NEK5: variants seen among roughly 807,000 people sequenced by gnomAD.
The protein encoded by NEK5 is NIMA related kinase 5, also known as serine/threonine-protein kinase Nek5.
Under a neutral mutation model 109.2 loss-of-function variants are expected in NEK5, and 88 were observed. That is an observed-to-expected ratio of 0.81 (90% CI 0.68 to 0.96). The LOEUF is 0.96. Ranked by LOEUF, NEK5 falls within the 40% of genes least tolerant of loss-of-function variation. The pLI is 0.00. For missense variants in NEK5, 834 were observed against 920.7 expected (o/e 0.91, Z 1.22); for synonymous variants, 283 against 299.9 (o/e 0.94, Z 0.58).
chr13:52,076,002 C>T, intron 18 of NEK5, 61 bp downstream of exon 18: 5 of 1,108,600 alleles, frequency 4.5e-6, no homozygotes, highest in Non-Finnish European at 5.4e-6. Flanking sequence ...CAACCGAGAT[C>T]ACAAGGTGGC....
chr13:52,127,747 C>A, intron 1 of NEK5, 85 bp from the exon 2 acceptor site: 1 of 348,100 alleles, frequency 2.9e-6, no homozygotes, highest in Non-Finnish European at 5.2e-6. Flanking sequence ...GGGTAAGTCA[C>A]TTAACCTGGC....
In NEK5 at chr13:52,079,811, T is replaced by G. The variant is rs572352800; in HGVS notation, c.1572+3449A>C. On this transcript the variant is annotated intron_variant, in intron 17 of 23. Coordinates refer to ENST00000684899, the MANE Select transcript of NEK5 (RefSeq NM_001365552.1). ...CTGCCTGGCTGCCCAGTCTGGAAAGTGAGGAGCGTCTCTGCCCCGCCGCCA... is the reference window on the plus strand; with the variant it reads ...CTGCCTGGCTGCCCAGTCTGGAAAGGGAGGAGCGTCTCTGCCCCGCCGCCA... Among the ~76,000 whole-genome samples, 5 of 145,878 alleles carry G rather than the reference T, an allele frequency of 3.4e-5. No homozygotes were observed. The East Asian group carries it at 1.0e-3, about 30-fold the overall frequency.
intron 3 of NEK5, among the ~76,000 whole-genome samples, chr13:52,123,773 AG>A (rs1482119309): frequency 6.6e-6 from 1 of 152,180 alleles, no homozygotes; most frequent in Non-Finnish European, 1.5e-5. Context: ...AAGTTATGCA[AG>A]TTTACAGAGA....
At chr13:52,122,112 C>T (rs1433063763) in intron 3 of NEK5, among the ~76,000 whole-genome samples, 1 of 151,936 alleles carries the variant, frequency 6.6e-6, no homozygotes, top group African/African-American at 2.4e-5. Context: ...GCTATGCAGT[C>T]ATTAAAAATA....
Position 52,034,355 on chromosome 13 carries a change from C to CAGAT in NEK5, c.*2589_*2592dup, listed in dbSNP as rs1162125019. 6.6e-6 allele frequency: 1 copy of CAGAT among 152,078 alleles called. No individual in the cohort carries two copies. 9.4% of individuals were successfully genotyped at this position (152,078 alleles called of 1,614,324 possible). A position where few individuals can be genotyped will look rare whatever the true frequency, so the allele number is the denominator to read the frequency against. On this transcript the variant is annotated 3_prime_UTR_variant, in exon 24 of 24. Transcript: ENST00000684899. ...GGACTAAAATCAGCTGAAAGTGTTGCAGATATGTATACTTATCACAGTGAA... is the reference window on the plus strand; with the variant it reads ...GGACTAAAATCAGCTGAAAGTGTTGCAGATAGATATGTATACTTATCACAGTGAA...
intron 22 of NEK5, among the ~76,000 whole-genome samples, chr13:52,053,767 C>T (rs1049510804): frequency 3.3e-5 from 5 of 152,178 alleles, no homozygotes; most frequent in Non-Finnish European, 7.3e-5. Context: ...ACCCTCCATA[C>T]CAAACATCCT....
chr13:52,054,279 TA>T (rs1370509893), intron 22 of NEK5, among the ~76,000 whole-genome samples: 1 of 152,178 alleles, frequency 6.6e-6, no homozygotes, highest in African/African-American at 2.4e-5. Flanking sequence ...TTTCCAAACA[TA>T]GTTGTTATGA....
At chr13:52,079,984 C>T (rs543261844) in intron 17 of NEK5, among the ~76,000 whole-genome samples, 113 of 151,848 alleles carry the variant, frequency 7.4e-4, no homozygotes, top group African/African-American at 2.2e-3. Flanking sequence ...CGTCTCTGCC[C>T]GGCCGCCCCA....
chr13:52,087,035 A>G (rs1041211082), intron 15 of NEK5, among the ~76,000 whole-genome samples: 1 of 152,186 alleles, frequency 6.6e-6, no homozygotes, highest in African/African-American at 2.4e-5. Flanking sequence ...ATACATTTCT[A>G]TTGTGTTAAG....
intron 20 of NEK5, among the ~76,000 whole-genome samples, chr13:52,070,397 C>A (rs1346642194): frequency 6.6e-6 from 1 of 152,178 alleles, no homozygotes; most frequent in Non-Finnish European, 1.5e-5. Flanking sequence ...TTGGCTGTGT[C>A]CCACCCAAAT....
At chr13:52,091,843 T>G (rs1245165609) in intron 13 of NEK5, among the ~76,000 whole-genome samples, 1 of 152,170 alleles carries the variant, frequency 6.6e-6, no homozygotes, top group Non-Finnish European at 1.5e-5. Context: ...TAAGACCAAT[T>G]TAAGAATACT....
At position 52,083,354 on chromosome 13, in the gene NEK5, T is replaced by C. The variant is rs1251663014; in HGVS notation, c.1480-2A>G. On this transcript the variant is annotated splice_acceptor_variant, in intron 16 of 23. Transcript: ENST00000684899. LOFTEE classifies it high-confidence loss of function. Reference sequence around the variant, plus strand: ...TTTATGACTTATTTTTGAGTTCTCCTTTAACACAAATTATACACAGTCAAC... The same window carrying C: ...TTTATGACTTATTTTTGAGTTCTCCCTTAACACAAATTATACACAGTCAAC... 1.3e-6 allele frequency: 2 copies of C among 1,583,046 alleles called. No individual in the cohort carries two copies.
intron 22 of NEK5, among the ~76,000 whole-genome samples, chr13:52,056,918 G>A (rs2137718411): frequency 6.6e-6 from 1 of 152,224 alleles, no homozygotes; most frequent in African/African-American, 2.4e-5. Context: ...ACATTCAAAA[G>A]CTAGCAGAAC....
At chr13:52,066,576 C>T (rs1008482068) in intron 20 of NEK5, among the ~76,000 whole-genome samples, 15 of 151,986 alleles carry the variant, frequency 9.9e-5, no homozygotes, top group African/African-American at 2.7e-4. Context: ...GAGGCCGAGG[C>T]GGGCGGATCA....
chr13:52,071,288 G>A (rs1376964728), intron 20 of NEK5, among the ~76,000 whole-genome samples: 2 of 152,202 alleles, frequency 1.3e-5, no homozygotes, highest in African/African-American at 4.8e-5. Context: ...ACAAGCTGCT[G>A]TCACATCCTG....
Position 52,102,097 on chromosome 13 carries a change from G to A in NEK5, c.805C>T (p.Pro269Ser), listed in dbSNP as rs1955548258. The change falls in exon 10 of 24, where the codon CCT (proline) becomes TCT (serine). Residue 269 changes from proline (P) to serine (S), a missense_variant. Pro to Ser is a moderately conservative substitution (Grantham distance 74, BLOSUM62 -1). Around this residue, in one of 2 missense-constraint regions of NEK5, gnomAD observed 777 missense variants for 824.7 expected, o/e 0.94. Coordinates refer to ENST00000684899, the MANE Select transcript of NEK5 (RefSeq NM_001365552.1). ...LENLIPKYLT[P>S]EVIQEEFSHM... Reference sequence around the variant, plus strand: ...ACAGTCACCTCAAAACTTACCTCAGGAGTCAAATATTTGGGAATAAGATTC... The same window carrying A: ...ACAGTCACCTCAAAACTTACCTCAGAAGTCAAATATTTGGGAATAAGATTC... 1 of 1,613,476 alleles carries A rather than the reference G, an allele frequency of 6.2e-7. No individual in the cohort carries two copies. Among genetic ancestry groups the A allele is most frequent in the Admixed American group, 1.7e-5 (1 of 59,990 alleles).
chr13:52,084,775 G>GTGTA (rs1331409463), intron 16 of NEK5, among the ~76,000 whole-genome samples: 2 of 63,708 alleles, frequency 3.1e-5, no homozygotes, highest in East Asian at 1.4e-3. Context: ...GTGTGTGTGT[G>GTGTA]TGTGTGTGTG....
In NEK5 at chr13:52,041,854, T is replaced by C. The variant is rs530831332; in HGVS notation, c.2229-4636A>G. Among the ~76,000 whole-genome samples, 7 of 151,824 alleles carry C rather than the reference T, an allele frequency of 4.6e-5. No homozygotes were observed. The East Asian group carries it at 1.4e-3, about 29-fold the overall frequency. On this transcript the variant is annotated intron_variant, in intron 23 of 23. Transcript: ENST00000684899. ...GATAAAAAATATATCTAATATCTAATTGGAGAATCAAAATGGATGCAATAA... is the reference window on the plus strand; with the variant it reads ...GATAAAAAATATATCTAATATCTAACTGGAGAATCAAAATGGATGCAATAA...
intron 17 of NEK5, among the ~76,000 whole-genome samples, chr13:52,080,221 G>A (rs1336399612): frequency 1.1e-4 from 15 of 140,100 alleles, no homozygotes; most frequent in African/African-American, 3.5e-4. Flanking sequence ...AGGTGGGGGG[G>A]GGTCAGCCCC....
Sources: allele counts gnomAD v4.1 joint callset (sites outside exome capture counted in the v4.1 genomes callset), GRCh38; gene constraint gnomAD v4.1.1; regional missense constraint gnomAD v4.1.1; transcripts MANE v1.5; gene names NCBI Gene and HGNC (gene_info 2026-07-23, HGNC 2026-07-21).